The following PLXND1 variants were observed in gnomAD, a reference collection of about 807,000 sequenced individuals.
The protein encoded by PLXND1 is plexin D1.
Under a neutral mutation model 197.7 loss-of-function variants are expected in PLXND1, and 54 were observed. The ratio of observed to expected loss-of-function variants is 0.27; its 90% CI spans 0.22 to 0.34. The LOEUF (loss-of-function observed/expected upper bound fraction) is 0.34. Ranked by LOEUF, PLXND1 falls within the 10% of genes least tolerant of loss-of-function variation. The probability of loss-of-function intolerance (pLI) is 1.00; values close to 1 mark genes in which losing one functional copy is unlikely to be tolerated. For missense variants in PLXND1, 2,127 were observed against 2,699.2 expected (o/e 0.79, Z 4.70); for synonymous variants, 1,180 against 1,161.2 (o/e 1.02, Z -0.33).
intron 8 of PLXND1, 119 bp from the exon 9 acceptor site, chr3:129,578,552 C>T (rs1404005478): frequency 6.2e-6 from 4 of 644,812 alleles, no homozygotes; most frequent in Non-Finnish European, 1.1e-5. Context: ...AAACACTAGT[C>T]ATTCAGTCCT....
chr3:129,605,749 C>T lies in PLXND1; in HGVS notation c.891G>A (p.Ala297=). 1 of 1,553,028 alleles carries T rather than the reference C, an allele frequency of 6.4e-7. No homozygotes were observed. The highest frequency in any genetic ancestry group is 8.7e-7 in the Non-Finnish European group (1 of 1,149,822). The change falls in exon 1 of 36, where the codon GCG becomes GCA. Residue 297 remains alanine (A), a synonymous_variant. Transcript: ENST00000324093. The part of the protein sequence containing the change: ...SDPPPGAQSY[A]YLALNSEARA... ...GCGCCTCGCTGTTGAGCGCCAGGTA[C>T]GCGTAGGACTGTGCACCCGGCGGCG...
intron 1 of PLXND1, among the ~76,000 whole-genome samples, chr3:129,596,128 C>G (rs557969311): frequency 6.6e-6 from 1 of 152,136 alleles, no homozygotes; most frequent in Non-Finnish European, 1.5e-5. Flanking sequence ...CTCATAGGAG[C>G]CTTCAGTGCT....
chr3:129,559,438 T>C, intron 32 of PLXND1, 182 bp downstream of exon 32: 1 of 559,738 alleles, frequency 1.8e-6, no homozygotes, highest in Non-Finnish European at 3.1e-6. Context: ...GGGTCGCATT[T>C]TACAGTGGAG....
chr3:129,561,619 C>G, intron 29 of PLXND1, 27 bp downstream of exon 29: 2 of 1,561,574 alleles, frequency 1.3e-6, no homozygotes, highest in Non-Finnish European at 1.8e-6. Flanking sequence ...GCAGCCTGGG[C>G]TCCCTTCCCA....
At chr3:129,564,353 C>T (rs1460674829) in intron 25 of PLXND1, among the ~76,000 whole-genome samples, 1 of 152,258 alleles carries the variant, frequency 6.6e-6, no homozygotes, top group African/African-American at 2.4e-5. Flanking sequence ...GACTCAAGCC[C>T]AGGACATCTT....
At chr3:129,569,477 T>C (rs2085191427) in intron 20 of PLXND1, 4 of 212,060 alleles carry the variant, frequency 1.9e-5, no homozygotes, top group African/African-American at 9.0e-5. Flanking sequence ...TTATTGACCA[T>C]TATTTTAACA....
Position 129,595,921 on chromosome 3 carries a change from G to GCGCGCACACACACACACACACACA in PLXND1, c.1312-6395_1312-6394insTGTGTGTGTGTGTGTGTGTGCGCG, listed in dbSNP as rs138452605. Among the ~76,000 whole-genome samples the GCGCGCACACACACACACACACACA allele has an allele frequency of 1.2e-4, 17 of 146,512 alleles. No homozygotes were observed. The South Asian group carries it at 3.7e-3, about 32-fold the overall frequency. On this transcript the variant is annotated intron_variant, in intron 1 of 35. Transcript: ENST00000324093. ...CTTACAGCCCTGGGGGTGCACGCAC[G>GCGCGCACACACACACACACACACA]CACACACACACACACACACACACAC...
chr3:129,560,943 T>A, intron 29 of PLXND1: 1 of 667,726 alleles, frequency 1.5e-6, no homozygotes, highest in East Asian at 2.9e-5. Flanking sequence ...ATGGGGAGAC[T>A]GAGTCTGGGA....
chr3:129,560,780 A>C, intron 29 of PLXND1, 57 bp from the exon 30 acceptor site: 1 of 1,009,908 alleles, frequency 9.9e-7, no homozygotes, highest in Non-Finnish European at 1.6e-6. Flanking sequence ...AGAAACAGAA[A>C]TGAAGACAGA....
At chr3:129,561,335 TGGCCCAA>T (rs1285686338) in intron 29 of PLXND1, among the ~76,000 whole-genome samples, 1 of 152,134 alleles carries the variant, frequency 6.6e-6, no homozygotes, top group Non-Finnish European at 1.5e-5. Context: ...GGCAGGGACA[TGGCCCAA>T]GGCTGAGACG....
rs2085344052 is a variant in PLXND1, at chr3:129,578,432, C to G, written c.2243G>C (p.Ser748Thr). 6.3e-7 allele frequency: 1 copy of G among 1,578,222 alleles called. No homozygotes were observed. The highest frequency in any genetic ancestry group is 1.3e-5 in the African/African-American group (1 of 74,436). Residue 748 changes from serine (S) to threonine (T), a missense_variant and splice_region_variant, in exon 9 of 36, where the codon AGC (serine) becomes ACC (threonine). Ser to Thr is a moderately conservative substitution (Grantham distance 58, BLOSUM62 1). This residue lies in a region of PLXND1 where 1,095 missense variants were observed against 1,259.8 expected (regional missense o/e 0.87). Transcript: ENST00000324093. ...CAGGGTCCGGGGGCAGTCCTGAGGG[C>G]TCTGCAGAGGAAACAGAAGGAGAGG... ...SRCEASPNPT[S>T]PQDCPRTLLS...
Position 129,606,398 on chromosome 3 carries a change from T to A in PLXND1, c.242A>T (p.Gln81Leu). 6.6e-7 allele frequency: 1 copy of A among 1,513,944 alleles called. No individual in the cohort carries two copies. Among genetic ancestry groups the A allele is most frequent in the Non-Finnish European group, 8.8e-7 (1 of 1,138,960 alleles). The allele number at this position is 1,513,944 out of a possible 1,614,324, so 93.8% of individuals were successfully genotyped here. A position where few individuals can be genotyped will look rare whatever the true frequency, so the allele number is the denominator to read the frequency against. ...CAGGCTCAGGTTGGCGCCCGACAGC[T>A]GATAGAGGCGGTTGACGGCCGCCAG... is the stretch of plus-strand genomic sequence containing the variant. ...VYLAAVNRLYQLSGANLSLEA... is the reference protein window; with the variant it reads ...VYLAAVNRLYLLSGANLSLEA... Residue 81 changes from glutamine to leucine, a missense_variant, in exon 1 of 36, where the codon CAG becomes CTG. Gln to Leu is a moderately radical substitution (Grantham distance 113). Coordinates refer to ENST00000324093, the MANE Select transcript of PLXND1 (RefSeq NM_015103.3).
At chr3:129,597,254 C>T (rs1445928716) in intron 1 of PLXND1, among the ~76,000 whole-genome samples, 6 of 152,118 alleles carry the variant, frequency 3.9e-5, no homozygotes, top group Non-Finnish European at 5.9e-5. Context: ...CCTCCCCACC[C>T]GCCGCTCTGC....
At chr3:129,596,164 T>C (rs2085619094) in intron 1 of PLXND1, among the ~76,000 whole-genome samples, 1 of 151,978 alleles carries the variant, frequency 6.6e-6, no homozygotes, top group South Asian at 2.1e-4. Context: ...TCAATAAATG[T>C]TCCCAATTAG....
chr3:129,594,990 A>G (rs1323377217), intron 1 of PLXND1, among the ~76,000 whole-genome samples: 1 of 151,978 alleles, frequency 6.6e-6, no homozygotes, highest in South Asian at 2.1e-4. Context: ...AGCCCCACTC[A>G]ATCTGGCCCT....
chr3:129,606,026 C>T lies in PLXND1; in HGVS notation c.614G>A (p.Ser205Asn). Residue 205 changes from serine (S) to asparagine (N), a missense_variant, in exon 1 of 36, where the codon AGC becomes AAC. Ser to Asn is a conservative substitution (Grantham distance 46). Coordinates refer to ENST00000324093, the MANE Select transcript of PLXND1 (RefSeq NM_015103.3). ...VLPPAAGAGG[S>N]RLLVGATYTG... ...GTACGTGGCGCCCACGAGCAGGCGG[C>T]TGCCCCCCGCGCCCGCGGCGGGAGG... 3 of 1,601,418 alleles carry T rather than the reference C, an allele frequency of 1.9e-6. No homozygotes were observed. The highest frequency in any genetic ancestry group is 2.5e-6 in the Non-Finnish European group (3 of 1,176,560).
chr3:129,563,017 C>T, intron 26 of PLXND1, 74 bp from the exon 27 acceptor site: 1 of 1,610,504 alleles, frequency 6.2e-7, no homozygotes, highest in Non-Finnish European at 8.5e-7. Flanking sequence ...GCAGCAAGGC[C>T]CTGCAGAGGA....
At chr3:129,593,077 G>T (rs2085570047) in intron 1 of PLXND1, among the ~76,000 whole-genome samples, 1 of 152,220 alleles carries the variant, frequency 6.6e-6, no homozygotes, top group African/African-American at 2.4e-5. Flanking sequence ...AGCAGGGAAG[G>T]CTCGGCTATC....
intron 20 of PLXND1, 165 bp downstream of exon 20, chr3:129,569,678 C>T: frequency 1.7e-6 from 1 of 605,810 alleles, no homozygotes; most frequent in Non-Finnish European, 3.0e-6. Flanking sequence ...GGAGCCAGGG[C>T]ACACCTCCCC....
Sources: allele counts gnomAD v4.1 joint callset (sites outside exome capture counted in the v4.1 genomes callset), GRCh38; gene constraint gnomAD v4.1.1; regional missense constraint gnomAD v4.1.1; transcripts MANE v1.5; gene names NCBI Gene and HGNC (gene_info 2026-07-23, HGNC 2026-07-21).